TLR1: variants seen among roughly 807,000 people sequenced by gnomAD.
TLR1 encodes toll-like receptor 1.
In TLR1, 19 loss-of-function variants were observed where a neutral mutation model predicts 20.2. The ratio of observed to expected loss-of-function variants is 0.94; its 90% CI spans 0.66 to 1.38. The LOEUF (loss-of-function observed/expected upper bound fraction) is 1.38. Among genes scored for constraint, TLR1 ranks in the 40% most tolerant of loss-of-function variants. The probability of loss-of-function intolerance (pLI) is 0.00; values close to 1 mark genes in which losing one functional copy is unlikely to be tolerated. For missense variants in TLR1, 921 were observed against 910.0 expected, an observed-to-expected ratio of 1.01 and a Z score of -0.16; for synonymous variants, 320 against 334.5, an observed-to-expected ratio of 0.96 and a Z score of 0.47.
In TLR1 at chr4:38,798,572, C is replaced by A; in HGVS notation, c.260G>T (p.Ser87Ile). 6.2e-7 allele frequency: 1 copy of A among 1,614,102 alleles called. No homozygotes were observed. The highest frequency in any genetic ancestry group is 8.5e-7 in the Non-Finnish European group (1 of 1,180,018). Residue 87 changes from serine to isoleucine, a missense_variant, in exon 4 of 4, where the codon AGT (serine) becomes ATT (isoleucine). Ser to Ile is a moderately radical substitution (Grantham distance 142, BLOSUM62 -2). Transcript: ENST00000308979. ...SHNRIQYLDI[S>I]VFKFNQELEY... ...CAATTCCTGGTTGAATTTGAAAACA[C>A]TGATATCAAGATACTGGATTCTATT...
intron 2 of TLR1, among the ~76,000 whole-genome samples, chr4:38,802,433 G>A (rs528250434): frequency 5.9e-5 from 9 of 152,296 alleles, no homozygotes; most frequent in African/African-American, 2.2e-4. Flanking sequence ...GTCTGGCAAG[G>A]GAAAAATGTC....
intron 2 of TLR1, among the ~76,000 whole-genome samples, chr4:38,803,781 G>A (rs576341311): frequency 6.6e-6 from 1 of 152,168 alleles, no homozygotes; most frequent in Non-Finnish European, 1.5e-5. Context: ...CAAAAAATAA[G>A]CTGAGCAGAA....
At chr4:38,794,182 G>C (rs1207077964), downstream of TLR1, among the ~76,000 whole-genome samples, 1 of 152,186 alleles carries the variant, frequency 6.6e-6, no homozygotes, top group Non-Finnish European at 1.5e-5. Flanking sequence ...TTGCTGAGTA[G>C]TTGAAACTTG....
chr4:38,793,773 C>T (rs1287218491), downstream of TLR1, among the ~76,000 whole-genome samples: 2 of 151,914 alleles, frequency 1.3e-5, no homozygotes, highest in South Asian at 2.1e-4. Flanking sequence ...AGTCCTGAAC[C>T]CCAGAACCTC....
downstream of TLR1, among the ~76,000 whole-genome samples, chr4:38,792,873 A>ATATATATATATATATATATATC (rs1725802760): frequency 5.4e-5 from 8 of 147,762 alleles, no homozygotes; most frequent in African/African-American, 2.0e-4. Context: ...ATATATATAT[A>ATATATATATATATATATATATC]TATCTCCAAA....
At chr4:38,790,265 A>C (rs550814677), downstream of TLR1, among the ~76,000 whole-genome samples, 1 of 152,368 alleles carries the variant, frequency 6.6e-6, no homozygotes, top group East Asian at 1.9e-4. Context: ...ATCATCCAGT[A>C]GTTTCCCGAA....
In TLR1 at chr4:38,797,825, G is replaced by A; in HGVS notation, c.1007C>T (p.Thr336Ile). Residue 336 changes from threonine to isoleucine, a missense_variant, in exon 4 of 4, where the codon ACA (threonine) becomes ATA (isoleucine). Physicochemically the swap from Thr to Ile is moderately conservative, Grantham distance 89. Transcript: ENST00000308979. ...TGGGCAAAGCATGTGGACCATGCGT[G>A]TACCAGACACTGTGAAATTTTTGAT... ...MNIKNFTVSGTRMVHMLCPSK... is the reference protein window; with the variant it reads ...MNIKNFTVSGIRMVHMLCPSK... 2 of 1,614,170 alleles carry A rather than the reference G, an allele frequency of 1.2e-6. No individual in the cohort carries two copies. The highest frequency in any genetic ancestry group is 1.1e-5 in the South Asian group (1 of 91,088).
At chr4:38,793,028 T>C (rs993856858), downstream of TLR1, among the ~76,000 whole-genome samples, 4 of 152,022 alleles carry the variant, frequency 2.6e-5, no homozygotes, top group African/African-American at 9.7e-5. Flanking sequence ...TAACTGGTTT[T>C]GTGACCTTTG....
In TLR1 at chr4:38,798,355, A is replaced by G; in HGVS notation, c.477T>C (p.Ile159=). The change falls in exon 4 of 4, where the codon ATT becomes ATC. Residue 159 remains isoleucine (I), a synonymous_variant. Coordinates refer to ENST00000308979, the MANE Select transcript of TLR1 (RefSeq NM_003263.4). The part of the protein sequence containing the change: ...THLEKSSVLP[I]AHLNISKVLL... ...AGACCTTGCTGATATTCAAATGAGC[A>G]ATTGGCAGCACACTAGATTTTTCTA... is the stretch of plus-strand genomic sequence containing the variant. 6.2e-7 allele frequency: 1 copy of G among 1,614,018 alleles called. No individual in the cohort carries two copies. The highest frequency in any genetic ancestry group is 8.5e-7 in the Non-Finnish European group (1 of 1,179,964).
At position 38,796,558 on chromosome 4, in the gene TLR1, C is replaced by T; in HGVS notation, c.2274G>A (p.Trp758Ter). The T allele has an allele frequency of 6.2e-7, 1 of 1,614,166 alleles. No homozygotes were observed. The stretch of plus-strand genomic sequence containing the variant: ...GGCCACGTTTGCTCTTTTCCTTGGG[C>T]CATTCCAAATAAGTCCTCCTGGCCA... ...SLMARRTYLE[W>*]PKEKSKRGLF... The change falls in exon 4 of 4, where the codon TGG becomes TGA. Residue 758 changes from tryptophan to a stop codon, truncating the protein, a stop_gained. Coordinates refer to ENST00000308979, the MANE Select transcript of TLR1 (RefSeq NM_003263.4). LOFTEE classifies it high-confidence loss of function.
chr4:38,789,268 A>G (rs557058639), downstream of TLR1, among the ~76,000 whole-genome samples: 15 of 152,354 alleles, frequency 9.8e-5, no homozygotes, highest in African/African-American at 2.9e-4. Context: ...AAATTGGCAA[A>G]CACTATAAAT....
rs777893362 is a variant in TLR1 at position 38,797,904 on chromosome 4, C to A, written c.928G>T (p.Asp310Tyr). 2 of 1,613,938 alleles carry A rather than the reference C, an allele frequency of 1.2e-6. No homozygotes were observed. The highest frequency in any genetic ancestry group is 1.7e-6 in the Non-Finnish European group (2 of 1,179,938). ...KALSIHQVVSDVFGFPQSYIY... is the reference protein window; with the variant it reads ...KALSIHQVVSYVFGFPQSYIY... Reference sequence around the variant, plus strand: ...TAACTTTGCGGAAAACCGAACACATCGCTGACAACTTGGTGTATAGACAAG... The same window carrying A: ...TAACTTTGCGGAAAACCGAACACATAGCTGACAACTTGGTGTATAGACAAG... The change falls in exon 4 of 4, where the codon GAT becomes TAT. Residue 310 changes from aspartate (D) to tyrosine (Y), a missense_variant. By Grantham distance (160) the Asp-to-Tyr change is radical (BLOSUM62 -3). Coordinates refer to ENST00000308979, the MANE Select transcript of TLR1 (RefSeq NM_003263.4).
chr4:38,795,810 T>G (rs543194562), downstream of TLR1, among the ~76,000 whole-genome samples: 1 of 152,374 alleles, frequency 6.6e-6, no homozygotes, highest in African/African-American at 2.4e-5. Flanking sequence ...AATTTTATCC[T>G]ACTGGGGAAC....
Position 38,798,524 on chromosome 4 carries a change from T to C in TLR1, c.308A>G (p.Asn103Ser), listed in dbSNP as rs750428366. 9.9e-6 allele frequency: 16 copies of C among 1,614,176 alleles called. No individual in the cohort carries two copies. The East Asian group carries it at 3.6e-4, about 36-fold the overall frequency. The change falls in exon 4 of 4, where the codon AAC becomes AGC. Residue 103 changes from asparagine (N) to serine (S), a missense_variant. Coordinates refer to ENST00000308979, the MANE Select transcript of TLR1 (RefSeq NM_003263.4). ...GTGGCAAGAAATCTTCACCAACTTGTTGTGGGACAAATCCAAGTATTCCAA... is the reference window on the plus strand; with the variant it reads ...GTGGCAAGAAATCTTCACCAACTTGCTGTGGGACAAATCCAAGTATTCCAA... ...QELEYLDLSH[N>S]KLVKISCHPT...
chr4:38,793,990 G>T (rs923093478), downstream of TLR1, among the ~76,000 whole-genome samples: 2 of 152,046 alleles, frequency 1.3e-5, no homozygotes, highest in Non-Finnish European at 2.9e-5. Context: ...AAAGAGACTG[G>T]GTTGTCCACA....
At chr4:38,800,032 G>C (rs1355822639) in intron 3 of TLR1, among the ~76,000 whole-genome samples, 1 of 152,194 alleles carries the variant, frequency 6.6e-6, no homozygotes, top group East Asian at 1.9e-4. Context: ...GTAGGTATGA[G>C]ACAGTGCTTG....
chr4:38,798,511 C>T lies in TLR1; in HGVS notation c.321G>A (p.Lys107=), dbSNP rs780841704. Residue 107 remains lysine (K), a synonymous_variant, in exon 4 of 4, where the codon AAG becomes AAA. Transcript: ENST00000308979. ...GGTTCACAGTAGGGTGGCAAGAAAT[C>T]TTCACCAACTTGTTGTGGGACAAAT... is the stretch of plus-strand genomic sequence containing the variant. The part of the protein sequence containing the change: ...YLDLSHNKLV[K]ISCHPTVNLK... 18 of 1,614,154 alleles carry T rather than the reference C, an allele frequency of 1.1e-5. No homozygotes were observed. The Middle Eastern group carries it at 2.6e-3, about 237-fold the overall frequency.
downstream of TLR1, chr4:38,790,710 G>A (rs1214830677): frequency 6.6e-6 from 1 of 152,082 alleles, no homozygotes; most frequent in African/African-American, 2.4e-5. Context: ...TTAGATGGAT[G>A]TGGACTTCTC....
Position 38,798,815 on chromosome 4 carries a change from T to C in TLR1, c.17A>G (p.His6Arg). MTSIF[H>R]FAIIFMLILQ... ...TATTAACATGAAGATAATGGCAAAA[T>C]GGAAGATGCTAGTCATTTTGGAACA... The change falls in exon 4 of 4, where the codon CAT becomes CGT. Residue 6 changes from histidine (H) to arginine (R), a missense_variant. Physicochemically the swap from His to Arg is conservative, Grantham distance 29. Transcript: ENST00000308979. The C allele has an allele frequency of 6.3e-7, 1 of 1,596,830 alleles. No homozygotes were observed. The highest frequency in any genetic ancestry group is 8.5e-7 in the Non-Finnish European group (1 of 1,171,456).
Sources: allele counts gnomAD v4.1 joint callset (sites outside exome capture counted in the v4.1 genomes callset), GRCh38; gene constraint gnomAD v4.1.1; transcripts MANE v1.5; gene names NCBI Gene and HGNC (gene_info 2026-07-23, HGNC 2026-07-21).